The following DEPDC5 variants were observed in gnomAD, a reference collection of about 807,000 sequenced individuals.
The protein encoded by DEPDC5 is GATOR1 complex protein DEPDC5.
A neutral mutation model predicts 217.3 loss-of-function variants in DEPDC5; 73 were observed. The ratio of observed to expected loss-of-function variants is 0.34; its 90% CI spans 0.28 to 0.41. The LOEUF is 0.41. Ranked by LOEUF, DEPDC5 falls within the 10% of genes least tolerant of loss-of-function variation. The pLI, the probability that DEPDC5 is intolerant of heterozygous loss-of-function variation, is 1.00. For synonymous variants in DEPDC5, 733 were observed against 756.7 expected (o/e 0.97, Z 0.51); for missense variants, 1,675 against 2,070.1 (o/e 0.81, Z 3.70).
rs752513839 is a variant in DEPDC5, at chr22:31,836,956, CT to C, written c.2171-15del. The stretch of plus-strand genomic sequence containing the variant: ...TGGTGACCACATGTACCTTTTCCCC[CT>C]GTTACGTGAGGCAGTTCTGACACTG... On this transcript the variant is annotated splice_polypyrimidine_tract_variant and intron_variant, in intron 25 of 42. Coordinates refer to ENST00000651528, the MANE Select transcript of DEPDC5 (RefSeq NM_001242896.3). 8 of 1,611,650 alleles carry C rather than the reference CT, an allele frequency of 5.0e-6. No homozygotes were observed. The Admixed American group carries it at 6.7e-5, about 13-fold the overall frequency.
intron 20 of DEPDC5, chr22:31,814,333 A>T (rs2088816334): frequency 6.6e-6 from 1 of 152,334 alleles, no homozygotes; most frequent in Admixed American, 6.5e-5. Context: ...ATCATTGGTA[A>T]CAAAATTAAC....
chr22:31,875,880 C>A lies in DEPDC5; in HGVS notation c.3697-277C>A, dbSNP rs561018182. The A allele has an allele frequency of 6.8e-4, 193 of 282,060 alleles. 1 individual carries two copies. In the South Asian group the frequency reaches 0.015, roughly 22 times the overall value. The allele number at this position is 282,060 out of a possible 1,614,324, so 17.5% of individuals were successfully genotyped here. On this transcript the variant is annotated intron_variant, in intron 36 of 42. Transcript: ENST00000651528. The stretch of plus-strand genomic sequence containing the variant: ...ACTCCTGGCCTCAAGTGATCCACCC[C>A]CCTCAGCCTCCCAAAGTGCTGGGGT...
chr22:31,763,510 T>C (rs1306196949), intron 4 of DEPDC5, among the ~76,000 whole-genome samples: 1 of 151,480 alleles, frequency 6.6e-6, no homozygotes, highest in African/African-American at 2.4e-5. Flanking sequence ...CAGTCACGGC[T>C]CACTGCAGCC....
intron 10 of DEPDC5, among the ~76,000 whole-genome samples, chr22:31,786,522 C>T (rs1016796747): frequency 1.3e-5 from 2 of 150,656 alleles, no homozygotes; most frequent in African/African-American, 2.4e-5. Context: ...GAGTCTCACT[C>T]TGTTGCCCAG....
intron 4 of DEPDC5, among the ~76,000 whole-genome samples, chr22:31,763,721 A>G (rs2082592821): frequency 6.6e-6 from 1 of 151,768 alleles, no homozygotes; most frequent in African/African-American, 2.4e-5. Flanking sequence ...GGCATGAGTC[A>G]CCATGCCTGG....
rs2088178335 is a variant in DEPDC5, at chr22:31,810,648, T to C, written c.1445+7T>C. ...AGTGCCTCACCACCTGCAGGTTTTC[T>C]GCCAGATTCACTTGGGGGTGCATAT... On this transcript the variant is annotated splice_region_variant and intron_variant, in intron 20 of 42. Transcript: ENST00000651528. The C allele has an allele frequency of 6.2e-7, 1 of 1,614,072 alleles. No individual in the cohort carries two copies. The highest frequency in any genetic ancestry group is 1.1e-5 in the South Asian group (1 of 91,084).
At chr22:31,854,967 T>G (rs539250553) in intron 31 of DEPDC5, among the ~76,000 whole-genome samples, 3 of 151,838 alleles carry the variant, frequency 2.0e-5, no homozygotes, top group South Asian at 4.2e-4. Context: ...GGTTTTTTTT[T>G]TTTTTTTCTT....
At chr22:31,886,903 T>C (rs1250037165) in intron 38 of DEPDC5, among the ~76,000 whole-genome samples, 2 of 149,844 alleles carry the variant, frequency 1.3e-5, no homozygotes, top group Non-Finnish European at 1.5e-5. Flanking sequence ...ACCCTATCTC[T>C]ACTGAAGATC....
chr22:31,767,840 G>A (rs995045404), intron 6 of DEPDC5, among the ~76,000 whole-genome samples: 44 of 151,576 alleles, frequency 2.9e-4, no homozygotes, highest in African/African-American at 9.4e-4. Flanking sequence ...TCTGCCTCCC[G>A]GGTTCACCCA....
At chr22:31,895,336 C>T (rs116454723) in intron 39 of DEPDC5, among the ~76,000 whole-genome samples, 155 of 152,102 alleles carry the variant, frequency 1.0e-3, no homozygotes, top group African/African-American at 3.5e-3. Flanking sequence ...ACTGGTCTTC[C>T]TGCCTGTCCT....
chr22:31,804,033 T>G, intron 15 of DEPDC5, 129 bp from the exon 16 acceptor site: 1 of 803,112 alleles, frequency 1.2e-6, no homozygotes. Context: ...GGCAGCACTA[T>G]GAGGTTATAA....
chr22:31,879,924 C>T (rs984026160), intron 38 of DEPDC5, 172 bp downstream of exon 38: 7 of 657,412 alleles, frequency 1.1e-5, no homozygotes, highest in South Asian at 1.9e-5. Context: ...TTCCACTTGC[C>T]GAGTGGTTTT....
chr22:31,826,426 C>T (rs1411464598), intron 24 of DEPDC5: 1 of 412,314 alleles, frequency 2.4e-6, no homozygotes, highest in East Asian at 8.9e-5. Context: ...TTTTGTATTC[C>T]AGGCATTTCT....
At chr22:31,852,824 G>A (rs1331203725) in intron 31 of DEPDC5, 1 of 152,214 alleles carries the variant, frequency 6.6e-6, no homozygotes, top group African/African-American at 2.4e-5. Flanking sequence ...GGCAGAAGTG[G>A]TTTTTTCGGA....
At chr22:31,900,182 G>A (rs1320152752) in intron 40 of DEPDC5, among the ~76,000 whole-genome samples, 1 of 152,006 alleles carries the variant, frequency 6.6e-6, no homozygotes, top group Non-Finnish European at 1.5e-5. Flanking sequence ...GATTACCTGG[G>A]ATTACAGGCA....
chr22:31,792,131 T>A, intron 11 of DEPDC5, 29 bp downstream of exon 11: 1 of 1,557,928 alleles, frequency 6.4e-7, no homozygotes, highest in Non-Finnish European at 8.8e-7. Flanking sequence ...CCTACAGTTA[T>A]GTTTTTGTTA....
chr22:31,764,795 T>C (rs2082676353), intron 4 of DEPDC5, among the ~76,000 whole-genome samples, 180 bp from the exon 5 acceptor site: 1 of 152,194 alleles, frequency 6.6e-6, no homozygotes, highest in Non-Finnish European at 1.5e-5. Flanking sequence ...GCTCTGGTCT[T>C]ATTTCACCTA....
chr22:31,800,865 A>T (rs1483157029), intron 14 of DEPDC5, among the ~76,000 whole-genome samples: 1 of 151,886 alleles, frequency 6.6e-6, no homozygotes, highest in Non-Finnish European at 1.5e-5. Context: ...AATCTCAGCT[A>T]CTCAGGAGGC....
chr22:31,796,444 A>G (rs565898783), intron 12 of DEPDC5, among the ~76,000 whole-genome samples: 7 of 152,280 alleles, frequency 4.6e-5, no homozygotes, highest in African/African-American at 1.4e-4. Flanking sequence ...ACATTGGGTT[A>G]CTATTGTTGA....
Sources: gnomAD v4.1 joint callset for allele counts (sites outside exome capture counted in the v4.1 genomes callset) on GRCh38, gnomAD v4.1.1 for gene constraint, MANE v1.5 for transcripts, NCBI Gene and HGNC (gene_info 2026-07-23, HGNC 2026-07-21) for gene names.